The following RGS17 variants were observed in gnomAD, a reference collection of about 807,000 sequenced individuals.
RGS17 encodes the protein regulator of G-protein signaling 17.
In RGS17, 12 loss-of-function variants were observed where a neutral mutation model predicts 25.5. That is an observed-to-expected ratio of 0.47 (90% CI 0.30 to 0.76). The LOEUF (loss-of-function observed/expected upper bound fraction) is 0.76. Ranked by LOEUF, RGS17 falls within the 30% of genes least tolerant of loss-of-function variation. The pLI, the probability that RGS17 is intolerant of heterozygous loss-of-function variation, is 0.07. For missense variants in RGS17, 196 were observed against 242.2 expected (o/e 0.81, Z 1.27); for synonymous variants, 71 against 76.9 (o/e 0.92, Z 0.40).
chr6:153,103,710 ATCTTT>A (rs1173359231), intron 1 of RGS17, among the ~76,000 whole-genome samples: 1 of 152,332 alleles, frequency 6.6e-6, no homozygotes, highest in African/African-American at 2.4e-5. Flanking sequence ...AATGTATCTT[ATCTTT>A]TCTTTTCTTT....
chr6:153,061,342 T>C (rs1274638861), intron 1 of RGS17, among the ~76,000 whole-genome samples: 2 of 152,198 alleles, frequency 1.3e-5, no homozygotes, highest in African/African-American at 2.4e-5. Context: ...CTGTTTAATA[T>C]AGAGTCATAA....
chr6:153,025,261 A>G (rs1236308973), intron 3 of RGS17, among the ~76,000 whole-genome samples: 1 of 151,850 alleles, frequency 6.6e-6, no homozygotes, highest in Non-Finnish European at 1.5e-5. Context: ...ACAGTGAGCT[A>G]TTACCATCCC....
At chr6:153,054,568 T>TTG (rs1429369998) in intron 1 of RGS17, among the ~76,000 whole-genome samples, 1 of 151,736 alleles carries the variant, frequency 6.6e-6, no homozygotes, top group Non-Finnish European at 1.5e-5. Flanking sequence ...GGAGAACTGC[T>TTG]TGAACACAGA....
At chr6:153,070,714 T>TAC (rs1776779959) in intron 1 of RGS17, among the ~76,000 whole-genome samples, 1 of 150,658 alleles carries the variant, frequency 6.6e-6, no homozygotes, top group Non-Finnish European at 1.5e-5. Flanking sequence ...TATACATATA[T>TAC]ATATACACAT....
intron 1 of RGS17, among the ~76,000 whole-genome samples, chr6:153,074,209 T>C (rs1538247): frequency 0.31 from 47,488 of 152,006 alleles, 7,564 homozygotes; most frequent in East Asian, 0.42. Context: ...ACTTACACAA[T>C]TTTTTTACAT....
At chr6:153,113,898 A>G (rs1180808556) in intron 1 of RGS17, among the ~76,000 whole-genome samples, 1 of 152,154 alleles carries the variant, frequency 6.6e-6, no homozygotes, top group East Asian at 1.9e-4. Context: ...AAAGACACAA[A>G]GTACCAGAAT....
At chr6:153,024,177 C>A in intron 4 of RGS17, 85 bp downstream of exon 4, 2 of 842,808 alleles carry the variant, frequency 2.4e-6, no homozygotes, top group South Asian at 3.2e-5. Flanking sequence ...CTCCACACCC[C>A]ATGCCCTACC....
At chr6:153,013,828 G>A (rs1779157007) in intron 4 of RGS17, among the ~76,000 whole-genome samples, 1 of 152,224 alleles carries the variant, frequency 6.6e-6, no homozygotes, top group Non-Finnish European at 1.5e-5. Flanking sequence ...GAGAGGTAAG[G>A]AAGCTGTGTA....
intron 2 of RGS17, among the ~76,000 whole-genome samples, chr6:153,041,397 G>T (rs1776319218): frequency 6.6e-6 from 1 of 152,168 alleles, no homozygotes; most frequent in Admixed American, 6.5e-5. Flanking sequence ...TACTCTAGAG[G>T]TGTAGAGAGT....
chr6:153,072,183 A>C (rs927703086), intron 1 of RGS17, among the ~76,000 whole-genome samples: 16 of 152,312 alleles, frequency 1.1e-4, no homozygotes, highest in Admixed American at 3.3e-4. Context: ...AATATTAAGA[A>C]ATATGAAAAA....
At chr6:153,044,601 A>G (rs1364516066) in intron 1 of RGS17, among the ~76,000 whole-genome samples, 1 of 152,210 alleles carries the variant, frequency 6.6e-6, no homozygotes, top group African/African-American at 2.4e-5. Context: ...AACCTTAATA[A>G]CATTACCAAA....
At chr6:153,014,769 G>A (rs1779166245) in intron 4 of RGS17, among the ~76,000 whole-genome samples, 1 of 147,734 alleles carries the variant, frequency 6.8e-6, no homozygotes. Context: ...CTGCACTCCA[G>A]ACTGGGCTAC....
Position 153,008,489 on chromosome 6 carries a change from C to T in RGS17, c.*3085G>A, listed in dbSNP as rs1779100475. Reference sequence around the variant, plus strand: ...CATAACAGCCCGAGTAAAGAAGTGCCATCCATCCATTACTGGTGTGATTAA... The same window carrying T: ...CATAACAGCCCGAGTAAAGAAGTGCTATCCATCCATTACTGGTGTGATTAA... On this transcript the variant is annotated 3_prime_UTR_variant, in exon 5 of 5. Transcript: ENST00000206262. The T allele has an allele frequency of 6.6e-6, 1 of 152,198 alleles. No individual in the cohort carries two copies. The highest frequency in any genetic ancestry group is 1.5e-5 in the Non-Finnish European group (1 of 68,034). 9.4% of individuals were successfully genotyped at this position (152,198 alleles called of 1,614,324 possible).
At chr6:153,112,798 C>A (rs1414226317) in intron 1 of RGS17, among the ~76,000 whole-genome samples, 1 of 152,112 alleles carries the variant, frequency 6.6e-6, no homozygotes, top group Non-Finnish European at 1.5e-5. Flanking sequence ...AATTTTCAAA[C>A]CAGAATTTCA....
At chr6:153,044,927 T>C (rs1776369642) in intron 1 of RGS17, among the ~76,000 whole-genome samples, 1 of 152,168 alleles carries the variant, frequency 6.6e-6, no homozygotes, top group Admixed American at 6.5e-5. Context: ...CATGAACTCT[T>C]AGAAAAAGTA....
chr6:153,064,159 A>C (rs748873874), intron 1 of RGS17, among the ~76,000 whole-genome samples: 8 of 152,178 alleles, frequency 5.3e-5, no homozygotes, highest in Non-Finnish European at 8.8e-5. Context: ...GAAGGTACAA[A>C]ACTCACTGAA....
intron 1 of RGS17, among the ~76,000 whole-genome samples, chr6:153,109,732 G>C (rs9384077): frequency 6.6e-6 from 1 of 151,716 alleles, no homozygotes; most frequent in Non-Finnish European, 1.5e-5. Flanking sequence ...AGGAGATGAG[G>C]AAAAAAAGGA....
chr6:153,122,263 A>G (rs548082056), intron 1 of RGS17, among the ~76,000 whole-genome samples: 7 of 152,256 alleles, frequency 4.6e-5, no homozygotes, highest in African/African-American at 1.7e-4. Flanking sequence ...AAACATACAT[A>G]TATGCATACA....
At chr6:153,106,642 A>C (rs571860218) in intron 1 of RGS17, among the ~76,000 whole-genome samples, 1 of 152,042 alleles carries the variant, frequency 6.6e-6, no homozygotes, top group African/African-American at 2.4e-5. Flanking sequence ...ATTAATTCAT[A>C]GTAATTATAT....
Sources: allele counts gnomAD v4.1 joint callset (sites outside exome capture counted in the v4.1 genomes callset), GRCh38; gene constraint gnomAD v4.1.1; transcripts MANE v1.5; gene names NCBI Gene and HGNC (gene_info 2026-07-23, HGNC 2026-07-21).